Variants in BCLAF1 observed in about 807,000 individuals in gnomAD.
BCLAF1 encodes bcl-2-associated transcription factor 1.
A neutral mutation model predicts 99.5 loss-of-function variants in BCLAF1; 10 were observed. That is an observed-to-expected ratio of 0.10 (90% CI 0.06 to 0.17). The LOEUF is 0.17. Ranked by LOEUF, BCLAF1 falls within the 10% of genes least tolerant of loss-of-function variation. The pLI, the probability that BCLAF1 is intolerant of heterozygous loss-of-function variation, is 1.00. For synonymous variants in BCLAF1, 255 were observed against 370.9 expected (o/e 0.69, Z 3.59); for missense variants, 636 against 1,105.8 (o/e 0.58, Z 6.02).
intron 10 of BCLAF1, among the ~76,000 whole-genome samples, chr6:136,267,484 G>T (rs1254785262): frequency 6.6e-6 from 1 of 151,668 alleles, no homozygotes; most frequent in Non-Finnish European, 1.5e-5. Context: ...TAATTTCTTT[G>T]AATTATCATA....
chr6:136,268,470 T>C (rs1228935111), intron 9 of BCLAF1, 131 bp from the exon 10 acceptor site: 4 of 852,492 alleles, frequency 4.7e-6, no homozygotes, highest in Non-Finnish European at 7.3e-6. Flanking sequence ...ATAAAATAAT[T>C]GGGTGTTAAA....
chr6:136,277,991 G>C lies in BCLAF1; in HGVS notation c.890C>G (p.Ser297Ter). ...SQNSPIHHIP[S>*]RRSPAKTIAP... ...GATTGTCTTTGCAGGACTTCTTCGTGAAGGGATGTGATGAATTGGACTATT... is the reference window on the plus strand; with the variant it reads ...GATTGTCTTTGCAGGACTTCTTCGTCAAGGGATGTGATGAATTGGACTATT... Residue 297 changes from serine (S) to a stop codon, truncating the protein, a stop_gained, in exon 4 of 13, where the codon TCA becomes TGA. Coordinates refer to ENST00000531224, the MANE Select transcript of BCLAF1 (RefSeq NM_014739.3). LOFTEE classifies it high-confidence loss of function. 1 of 1,606,128 alleles carries C rather than the reference G, an allele frequency of 6.2e-7. No individual in the cohort carries two copies. Among genetic ancestry groups the C allele is most frequent in the Non-Finnish European group, 8.5e-7 (1 of 1,175,996 alleles).
intron 8 of BCLAF1, among the ~76,000 whole-genome samples, chr6:136,271,696 T>C (rs1782551977): frequency 6.6e-6 from 1 of 151,968 alleles, no homozygotes; most frequent in Non-Finnish European, 1.5e-5. Flanking sequence ...TTCTAATTTG[T>C]ATCTTTGATT....
At position 136,260,288 on chromosome 6, in the gene BCLAF1, G is replaced by A. The variant is rs993965280; in HGVS notation, c.*822C>T. The A allele has an allele frequency of 1.6e-4, 25 of 151,940 alleles. No homozygotes were observed. The highest frequency in any genetic ancestry group is 6.0e-4 in the African/African-American group (25 of 41,404). The allele number at this position is 151,940 out of a possible 1,614,324, so 9.4% of individuals were successfully genotyped here. A position where few individuals can be genotyped will look rare whatever the true frequency, so the allele number is the denominator to read the frequency against. The stretch of plus-strand genomic sequence containing the variant: ...CTTCTGTTTAAAACTAGGATGTTCA[G>A]TAGAAATGGGGTTTCTATTTGCAGT... On this transcript the variant is annotated 3_prime_UTR_variant, in exon 13 of 13. Coordinates refer to ENST00000531224, the MANE Select transcript of BCLAF1 (RefSeq NM_014739.3).
rs368739484 is a variant in BCLAF1, at chr6:136,259,633, T to C, written c.*1477A>G. On this transcript the variant is annotated 3_prime_UTR_variant, in exon 13 of 13. Coordinates refer to ENST00000531224, the MANE Select transcript of BCLAF1 (RefSeq NM_014739.3). ...AAACATCACATATGTTGAGTTTGCT[T>C]TTAGTTTTGTTTCCAACAGTTCTTA... The C allele has an allele frequency of 6.6e-6, 1 of 151,992 alleles. No homozygotes were observed. Among genetic ancestry groups the C allele is most frequent in the African/African-American group, 2.4e-5 (1 of 41,430 alleles). The allele number at this position is 151,992 out of a possible 1,614,324, so 9.4% of individuals were successfully genotyped here.
At chr6:136,265,361 T>C (rs150894012) in intron 11 of BCLAF1, among the ~76,000 whole-genome samples, 22 of 152,294 alleles carry the variant, frequency 1.4e-4, no homozygotes, top group African/African-American at 4.6e-4. Context: ...ACTTAATCTT[T>C]TGAAAGGAGC....
chr6:136,283,349 C>T (rs1437060982), intron 1 of BCLAF1, among the ~76,000 whole-genome samples: 1 of 152,058 alleles, frequency 6.6e-6, no homozygotes, highest in African/African-American at 2.4e-5. Context: ...ACGTTAACAG[C>T]CATCATAGTA....
chr6:136,272,442 A>G (rs1782665445), intron 7 of BCLAF1, among the ~76,000 whole-genome samples: 1 of 151,962 alleles, frequency 6.6e-6, no homozygotes, highest in African/African-American at 2.4e-5. Flanking sequence ...TTAGATATTC[A>G]GTGCCCCTTT....
At position 136,260,149 on chromosome 6, in the gene BCLAF1, T is replaced by C. The variant is rs1375442040; in HGVS notation, c.*961A>G. On this transcript the variant is annotated 3_prime_UTR_variant, in exon 13 of 13. Coordinates refer to ENST00000531224, the MANE Select transcript of BCLAF1 (RefSeq NM_014739.3). ...TCTCTATTTTTACTAATAGTTACAC[T>C]ACAAACTAATGTTCAGCTCAAATAA... The C allele has an allele frequency of 6.6e-6, 1 of 152,052 alleles. No individual in the cohort carries two copies. Among genetic ancestry groups the C allele is most frequent in the Non-Finnish European group, 1.5e-5 (1 of 67,916 alleles). The allele number at this position is 152,052 out of a possible 1,614,324, so 9.4% of individuals were successfully genotyped here.
intron 6 of BCLAF1, chr6:136,274,057 G>C: frequency 7.8e-7 from 1 of 1,287,628 alleles, no homozygotes; most frequent in African/African-American, 1.5e-5. Context: ...ATGAAACCCA[G>C]GAATTTGAGC....
chr6:136,288,297 G>A (rs182777066), intron 1 of BCLAF1, among the ~76,000 whole-genome samples: 7 of 152,288 alleles, frequency 4.6e-5, no homozygotes, highest in Admixed American at 4.6e-4. Context: ...TGTTGCCCCC[G>A]CTGGAGTGCA....
At chr6:136,282,221 A>G (rs912581005) in intron 2 of BCLAF1, among the ~76,000 whole-genome samples, 1 of 152,208 alleles carries the variant, frequency 6.6e-6, no homozygotes, top group South Asian at 2.1e-4. Flanking sequence ...CTAACACATT[A>G]GCAATCAATT....
Position 136,261,257 on chromosome 6 carries a change from T to C in BCLAF1, c.2757+8A>G, listed in dbSNP as rs749004030. ...AATCTGTCAGAATCACAAGTTGAAA[T>C]TTTATACCTTTTCTTCCTTGCGTCT... On this transcript the variant is annotated splice_region_variant and intron_variant, in intron 12 of 12. Coordinates refer to ENST00000531224, the MANE Select transcript of BCLAF1 (RefSeq NM_014739.3). The C allele has an allele frequency of 1.9e-6, 3 of 1,609,760 alleles. No homozygotes were observed. The highest frequency in any genetic ancestry group is 2.7e-5 in the African/African-American group (2 of 74,642).
chr6:136,279,920 A>G, intron 2 of BCLAF1, 44 bp from the exon 3 acceptor site: 1 of 1,375,756 alleles, frequency 7.3e-7, no homozygotes, highest in Non-Finnish European at 9.5e-7. Context: ...TTACAATATG[A>G]TATTTAAAAT....
rs1463691808 is a variant in BCLAF1, at chr6:136,260,124, T to C, written c.*986A>G. 1 of 152,070 alleles carries C rather than the reference T, an allele frequency of 6.6e-6. No homozygotes were observed. The highest frequency in any genetic ancestry group is 2.4e-5 in the African/African-American group (1 of 41,450). The allele number at this position is 152,070 out of a possible 1,614,324, so 9.4% of individuals were successfully genotyped here. A position where few individuals can be genotyped will look rare whatever the true frequency, so the allele number is the denominator to read the frequency against. ...CTATTAATGAACAGTATGCTGTGTT[T>C]CTCTATTTTTACTAATAGTTACACT... On this transcript the variant is annotated 3_prime_UTR_variant, in exon 13 of 13. Coordinates refer to ENST00000531224, the MANE Select transcript of BCLAF1 (RefSeq NM_014739.3).
intron 11 of BCLAF1, among the ~76,000 whole-genome samples, chr6:136,263,997 T>A (rs922105218): frequency 2.6e-5 from 4 of 152,202 alleles, no homozygotes; most frequent in African/African-American, 9.6e-5. Flanking sequence ...ACCCTGACTC[T>A]GGAGCCCAAT....
intron 3 of BCLAF1, 26 bp downstream of exon 3, chr6:136,279,737 T>A (rs765409641): frequency 1.3e-6 from 2 of 1,514,868 alleles, no homozygotes; most frequent in African/African-American, 2.8e-5. Flanking sequence ...ATAATTATTT[T>A]AAAAATTTAA....
At chr6:136,289,422 A>C (rs1421575382) in intron 1 of BCLAF1, among the ~76,000 whole-genome samples, 1 of 152,120 alleles carries the variant, frequency 6.6e-6, no homozygotes, top group Admixed American at 6.5e-5. Flanking sequence ...TGGAAGAGGA[A>C]GATATGCGCA....
In BCLAF1 at chr6:136,278,712, A is replaced by G; in HGVS notation, c.169T>C (p.Tyr57His). The change falls in exon 4 of 13, where the codon TAT becomes CAT. Residue 57 changes from tyrosine (Y) to histidine (H), a missense_variant. By Grantham distance (83) the Tyr-to-His change is moderately conservative (BLOSUM62 2). Coordinates refer to ENST00000531224, the MANE Select transcript of BCLAF1 (RefSeq NM_014739.3). ...RSRDRMYSRD[Y>H]RRDYRNNRGM... ...CTATTATTTCTGTAATCGCGACGATAATCTCTAGAATACATACGATCTCTA... is the reference window on the plus strand; with the variant it reads ...CTATTATTTCTGTAATCGCGACGATGATCTCTAGAATACATACGATCTCTA... 1.2e-6 allele frequency: 2 copies of G among 1,611,580 alleles called. No individual in the cohort carries two copies. Among genetic ancestry groups the G allele is most frequent in the Non-Finnish European group, 1.7e-6 (2 of 1,179,300 alleles).
Sources: gnomAD v4.1 joint callset for allele counts (sites outside exome capture counted in the v4.1 genomes callset) on GRCh38, gnomAD v4.1.1 for gene constraint, MANE v1.5 for transcripts, NCBI Gene and HGNC (gene_info 2026-07-23, HGNC 2026-07-21) for gene names.